The following ZNF404 variants were observed in gnomAD, a reference collection of about 807,000 sequenced individuals.
The protein encoded by ZNF404 is zinc finger protein 404.
In ZNF404, 7 loss-of-function variants were observed where a neutral mutation model predicts 7.3. The observed-to-expected ratio is 0.95, with a 90% CI of 0.54 to 1.79. ZNF404 has a LOEUF of 1.79. ZNF404 is among the 40% of genes most tolerant of loss of function. ZNF404 has a pLI of 0.00. For synonymous variants in ZNF404, 191 were observed against 209.9 expected (o/e 0.91, Z 0.78); for missense variants, 560 against 661.5 (o/e 0.85, Z 1.68).
rs547116516 is a variant in ZNF404 at position 43,873,738 on chromosome 19, T to C, written c.476A>G (p.Tyr159Cys). 8 of 1,606,836 alleles carry C rather than the reference T, an allele frequency of 5.0e-6. No homozygotes were observed. The highest frequency in any genetic ancestry group is 4.4e-5 in the South Asian group (4 of 91,062). The change falls in exon 3 of 3, where the codon TAT (tyrosine) becomes TGT (cysteine). Residue 159 changes from tyrosine (Y) to cysteine (C), a missense_variant. Physicochemically the swap from Tyr to Cys is radical, Grantham distance 194 (BLOSUM62 -2). Coordinates refer to ENST00000587539, the MANE Select transcript of ZNF404 (RefSeq NM_001033719.3). ...TGCTTTTCCACATTCATTACATTCA[T>C]AGGGTATCACACCAGTATGGTCTCT... ...HLRDHTGVIP[Y>C]ECNECGKAFV...
chr19:43,873,037 TAA>T lies in ZNF404; in HGVS notation c.1175_1176del (p.Phe392Ter). On this transcript the variant is annotated frameshift_variant, in exon 3 of 3. Transcript: ENST00000587539. LOFTEE classifies it low-confidence loss of function (END_TRUNC). ...TGTTGAATAAGATATGAATGAAGCT[TAA>T]AAGTCTTCCCACATTCTTTACATTC... ...PHECKECGKT[F>X]KLHSYLIQHQ... The T allele has an allele frequency of 6.2e-7, 1 of 1,607,974 alleles. No homozygotes were observed. The highest frequency in any genetic ancestry group is 8.5e-7 in the Non-Finnish European group (1 of 1,176,428).
At position 43,873,522 on chromosome 19, in the gene ZNF404, G is replaced by T. The variant is rs376219255; in HGVS notation, c.692C>A (p.Thr231Lys). The T allele has an allele frequency of 1.2e-6, 2 of 1,613,318 alleles. No individual in the cohort carries two copies. The highest frequency in any genetic ancestry group is 2.7e-5 in the African/African-American group (2 of 74,874). Reference protein sequence around the residue: ...GKAFRRHSHLTEHQKIHVGLK... With the variant: ...GKAFRRHSHLKEHQKIHVGLK... ...GCCAACATGAATTTTCTGATGTTCT[G>T]TAAGGTGAGAATGACGTCTAAAAGC... Residue 231 changes from threonine (T) to lysine (K), a missense_variant, in exon 3 of 3, where the codon ACA becomes AAA. Physicochemically the swap from Thr to Lys is moderately conservative, Grantham distance 78. Transcript: ENST00000587539.
At chr19:43,883,213 T>C (rs1249575729) in intron 1 of ZNF404, among the ~76,000 whole-genome samples, 1 of 152,224 alleles carries the variant, frequency 6.6e-6, no homozygotes, top group African/African-American at 2.4e-5. Context: ...ATTATACTAA[T>C]ATGGCATGTA....
At chr19:43,876,421 G>T (rs981716053) in intron 2 of ZNF404, among the ~76,000 whole-genome samples, 3 of 151,818 alleles carry the variant, frequency 2.0e-5, no homozygotes, top group African/African-American at 7.3e-5. Flanking sequence ...TAAAACAGTA[G>T]AATTAACACA....
chr19:43,872,825 A>G lies in ZNF404; in HGVS notation c.1389T>C (p.Gly463=). Residue 463 remains glycine, a synonymous_variant, in exon 3 of 3, where the codon GGT becomes GGC. Coordinates refer to ENST00000587539, the MANE Select transcript of ZNF404 (RefSeq NM_001033719.3). The surrounding 1 kb of genome is among the most constrained non-coding windows in gnomAD (Gnocchi z 4.4). Reference sequence around the variant, plus strand: ...ATTCTTTACATACATAGGGTTTCAAACCAGTATGAATTGTCTGATGATAAA... The same window carrying G: ...ATTCTTTACATACATAGGGTTTCAAGCCAGTATGAATTGTCTGATGATAAA... ...QLIYHQTIHT[G]LKPYVCKECK... 1 of 1,610,156 alleles carries G rather than the reference A, an allele frequency of 6.2e-7. No individual in the cohort carries two copies. The highest frequency in any genetic ancestry group is 8.5e-7 in the Non-Finnish European group (1 of 1,177,740).
chr19:43,874,193 GT>G, intron 2 of ZNF404, 116 bp from the exon 3 acceptor site: 1 of 787,508 alleles, frequency 1.3e-6, no homozygotes, highest in Non-Finnish European at 1.9e-6. Context: ...TAATAAAAGA[GT>G]TTAGAAAATT....
chr19:43,880,454 T>C (rs956083831), intron 1 of ZNF404, among the ~76,000 whole-genome samples: 8 of 152,124 alleles, frequency 5.3e-5, no homozygotes, highest in African/African-American at 1.7e-4. Context: ...ACCTAAGCCA[T>C]ATAATATTAA....
In ZNF404 at chr19:43,872,375, A is replaced by G. The variant is rs1378983748; in HGVS notation, c.*180T>C. ...CACACTCATAGGGTCTTCCTTCTAT[A>G]AGATTTATTTTTAGTAATTCTAACA... On this transcript the variant is annotated 3_prime_UTR_variant, in exon 3 of 3. Transcript: ENST00000587539. The surrounding 1 kb of genome is among the most constrained non-coding windows in gnomAD (Gnocchi z 4.4). 2.1e-6 allele frequency: 1 copy of G among 483,112 alleles called. No individual in the cohort carries two copies. The highest frequency in any genetic ancestry group is 3.3e-5 in the East Asian group (1 of 30,034). The allele number at this position is 483,112 out of a possible 1,614,324, so 29.9% of individuals were successfully genotyped here.
chr19:43,880,191 G>A, intron 1 of ZNF404, 55 bp from the exon 2 acceptor site: 4 of 1,506,402 alleles, frequency 2.7e-6, no homozygotes, highest in South Asian at 1.3e-5. Context: ...TTTTCAAGAT[G>A]GAACATTAAA....
At chr19:43,876,171 A>C (rs1292813632) in intron 2 of ZNF404, among the ~76,000 whole-genome samples, 2 of 152,196 alleles carry the variant, frequency 1.3e-5, no homozygotes, top group South Asian at 2.1e-4. Context: ...AAAATTAGCC[A>C]GGTGTGGTGG....
At chr19:43,880,539 A>G (rs1971887434) in intron 1 of ZNF404, among the ~76,000 whole-genome samples, 1 of 152,154 alleles carries the variant, frequency 6.6e-6, no homozygotes, top group Non-Finnish European at 1.5e-5. Flanking sequence ...CCCTCCCCCA[A>G]TTGTATTATA....
In ZNF404 at chr19:43,872,943, C is replaced by A. The variant is rs1389267756; in HGVS notation, c.1271G>T (p.Gly424Val). 2 of 1,607,028 alleles carry A rather than the reference C, an allele frequency of 1.2e-6. No individual in the cohort carries two copies. The highest frequency in any genetic ancestry group is 2.2e-5 in the South Asian group (2 of 90,296). The stretch of plus-strand genomic sequence containing the variant: ...AATTGATTGATGTGTCTTAAGGTCT[C>A]CAACACGACTGAAGGCTTTCCCACA... Reference protein sequence around the residue: ...KQCGKAFSRVGDLKTHQSIHA... With the variant: ...KQCGKAFSRVVDLKTHQSIHA... Residue 424 changes from glycine (G) to valine (V), a missense_variant, in exon 3 of 3, where the codon GGA (glycine) becomes GTA (valine). Gly to Val is a moderately radical substitution (Grantham distance 109). Transcript: ENST00000587539. This position sits in a 1 kb window ranked among gnomAD's most constrained non-coding sequence, Gnocchi z 4.4.
intron 1 of ZNF404, among the ~76,000 whole-genome samples, chr19:43,883,423 T>C (rs1015557721): frequency 6.6e-6 from 1 of 152,156 alleles, no homozygotes; most frequent in Admixed American, 6.6e-5. Context: ...CTGGAATTGT[T>C]TTCATTTCTC....
chr19:43,874,155 G>C, intron 2 of ZNF404, 78 bp from the exon 3 acceptor site: 1 of 987,228 alleles, frequency 1.0e-6, no homozygotes. Flanking sequence ...ATTAAAAATA[G>C]TGATAAACTA....
At chr19:43,880,940 AAATC>A (rs746344606) in intron 1 of ZNF404, among the ~76,000 whole-genome samples, 1 of 152,250 alleles carries the variant, frequency 6.6e-6, no homozygotes, top group Non-Finnish European at 1.5e-5. Flanking sequence ...TCACATTTAA[AAATC>A]AATCAAGGTA....
intron 2 of ZNF404, among the ~76,000 whole-genome samples, chr19:43,876,504 G>C (rs1302770615): frequency 6.6e-6 from 1 of 151,746 alleles, no homozygotes; most frequent in Non-Finnish European, 1.5e-5. Context: ...TGACAAGGGG[G>C]AAATGACCAT....
At position 43,876,413 on chromosome 19, in the gene ZNF404, A is replaced by G. The variant is rs1345396868; in HGVS notation, c.137-2336T>C. 2.0e-5 allele frequency among the ~76,000 whole-genome samples: 3 copies of G among 152,182 alleles called. No homozygotes were observed. The East Asian group carries it at 5.8e-4, about 29-fold the overall frequency. ...ATATAATACAAGCAAAATTTAAATA[A>G]AACAGTAGAATTAACACATACAAAC... On this transcript the variant is annotated intron_variant, in intron 2 of 2. Transcript: ENST00000587539.
At chr19:43,875,032 C>A (rs1171911854) in intron 2 of ZNF404, among the ~76,000 whole-genome samples, 1 of 152,132 alleles carries the variant, frequency 6.6e-6, no homozygotes, top group Non-Finnish European at 1.5e-5. Flanking sequence ...CTCTCCCTGA[C>A]TCCAATCTCT....
At chr19:43,883,500 T>G (rs1372281869) in intron 1 of ZNF404, among the ~76,000 whole-genome samples, 2 of 152,178 alleles carry the variant, frequency 1.3e-5, no homozygotes, top group Non-Finnish European at 2.9e-5. Context: ...CACTCAAACC[T>G]AAATGCGTTT....
Sources: gnomAD v4.1 joint callset for allele counts (sites outside exome capture counted in the v4.1 genomes callset) on GRCh38, gnomAD v4.1.1 for gene constraint, Gnocchi (gnomAD v3.1) non-coding constraint, MANE v1.5 for transcripts, NCBI Gene and HGNC (gene_info 2026-07-23, HGNC 2026-07-21) for gene names.